The following TRPM8 variants were observed in gnomAD, a reference collection of about 807,000 sequenced individuals.
The protein encoded by TRPM8 is TRPM8 cationic channel.
In TRPM8, 110 loss-of-function variants were observed where a neutral mutation model predicts 133.7. The ratio of observed to expected loss-of-function variants is 0.82; its 90% CI spans 0.70 to 0.96. The LOEUF (loss-of-function observed/expected upper bound fraction) is 0.96, where lower values mean the gene tolerates loss of function less well. Ranked by LOEUF, TRPM8 falls within the 40% of genes least tolerant of loss-of-function variation. The pLI is 0.00. For missense variants in TRPM8, 1,291 were observed against 1,379.5 expected, an observed-to-expected ratio of 0.94 and a Z score of 1.02; for synonymous variants, 535 against 532.3, an observed-to-expected ratio of 1.01 and a Z score of -0.07.
At chr2:233,930,873 T>G in intron 3 of TRPM8, 132 bp downstream of exon 3, 1 of 621,886 alleles carries the variant, frequency 1.6e-6, no homozygotes, top group East Asian at 2.7e-5. Flanking sequence ...AAACACTGTT[T>G]GCGCAGGAAG....
At chr2:233,935,007 TTTCTC>T (rs1341470488) in intron 3 of TRPM8, among the ~76,000 whole-genome samples, 2 of 152,364 alleles carry the variant, frequency 1.3e-5, no homozygotes, top group East Asian at 3.9e-4. Context: ...AAACACAGCC[TTTCTC>T]TGGCCATGAA....
In TRPM8 at chr2:234,014,607, A is replaced by G. The variant is rs201564611; in HGVS notation, c.3310A>G (p.Lys1104Glu). The change falls in exon 25 of 26, where the codon AAA becomes GAA. Residue 1104 changes from lysine (K) to glutamate (E), a missense_variant. Lys to Glu is a moderately conservative substitution (Grantham distance 56). Coordinates refer to ENST00000324695, the MANE Select transcript of TRPM8 (RefSeq NM_024080.5). ...TCTGAAAGAGATTGCTAATAAAATC[A>G]AATAAAACTGTATGAACTCTAATGG... The part of the protein sequence containing the change: ...GLLKEIANKI[K>E] 2.0e-5 allele frequency: 30 copies of G among 1,538,298 alleles called. No individual in the cohort carries two copies. The highest frequency in any genetic ancestry group is 2.6e-5 in the Non-Finnish European group (30 of 1,139,282).
intron 15 of TRPM8, chr2:233,968,232 C>T (rs528121970): frequency 1.3e-5 from 2 of 152,320 alleles, no homozygotes; most frequent in Admixed American, 6.5e-5. Context: ...CCCGCACCCC[C>T]TCCCAAGAAG....
In TRPM8 at chr2:234,018,354, T is replaced by C. The variant is rs1693008580; in HGVS notation, c.*1098T>C. 1 of 152,010 alleles carries C rather than the reference T, an allele frequency of 6.6e-6. No individual in the cohort carries two copies. Among genetic ancestry groups the C allele is most frequent in the Non-Finnish European group, 1.5e-5 (1 of 67,992 alleles). The allele number at this position is 152,010 out of a possible 1,614,324, so 9.4% of individuals were successfully genotyped here. On this transcript the variant is annotated 3_prime_UTR_variant, in exon 26 of 26. Coordinates refer to ENST00000324695, the MANE Select transcript of TRPM8 (RefSeq NM_024080.5). ...CAGTTGATCATTGGGATGAGCATCT[T>C]TGTGCATGAATCCTATTGCTGTATT... is the stretch of plus-strand genomic sequence containing the variant.
At chr2:233,935,091 A>T (rs773260431) in intron 3 of TRPM8, among the ~76,000 whole-genome samples, 35 of 152,256 alleles carry the variant, frequency 2.3e-4, no homozygotes, top group Admixed American at 5.2e-4. Flanking sequence ...CATTGAGGAT[A>T]CAAACCATTT....
At chr2:233,921,209 A>G (rs1481674271) in intron 1 of TRPM8, among the ~76,000 whole-genome samples, 2 of 152,136 alleles carry the variant, frequency 1.3e-5, no homozygotes, top group Admixed American at 1.3e-4. Context: ...GTATAGTTTA[A>G]TGCAATTTTA....
At chr2:233,980,672 G>C (rs977749467) in intron 18 of TRPM8, among the ~76,000 whole-genome samples, 2 of 152,256 alleles carry the variant, frequency 1.3e-5, no homozygotes, top group South Asian at 4.1e-4. Flanking sequence ...CTGATCATGG[G>C]GAGAAATAAA....
chr2:233,964,657 A>G lies in TRPM8; in HGVS notation c.1779A>G (p.Gly593=). The G allele has an allele frequency of 6.2e-7, 1 of 1,606,906 alleles. No individual in the cohort carries two copies. Among genetic ancestry groups the G allele is most frequent in the Non-Finnish European group, 8.5e-7 (1 of 1,175,364 alleles). Residue 593 remains glycine, a synonymous_variant, in exon 14 of 26, where the codon GGA becomes GGG. Transcript: ENST00000324695. The part of the protein sequence containing the change: ...QTRGCTLAAL[G]ASKLLKTLAK... ...GGGGCTGCACTCTGGCAGCCCTGGGAGCCAGCAAGCTTCTGAAGACTCTGG... is the reference window on the plus strand; with the variant it reads ...GGGGCTGCACTCTGGCAGCCCTGGGGGCCAGCAAGCTTCTGAAGACTCTGG...
At chr2:233,953,127 C>T (rs1391212652) in intron 9 of TRPM8, among the ~76,000 whole-genome samples, 1 of 152,230 alleles carries the variant, frequency 6.6e-6, no homozygotes, top group African/African-American at 2.4e-5. Flanking sequence ...CACCACCTTT[C>T]CCAGGCAGCT....
chr2:233,934,013 C>T (rs1471320968), intron 3 of TRPM8: 1 of 167,060 alleles, frequency 6.0e-6, no homozygotes, highest in Non-Finnish European at 1.5e-5. Context: ...ATCGTTATAG[C>T]TTTAGAAAAT....
chr2:233,932,310 T>A (rs1691696535), intron 3 of TRPM8, among the ~76,000 whole-genome samples: 2 of 152,240 alleles, frequency 1.3e-5, no homozygotes, highest in Admixed American at 1.3e-4. Flanking sequence ...TTGTGCGTTA[T>A]CAGCTTTCCA....
At chr2:233,923,037 T>A (rs1299445991) in intron 1 of TRPM8, among the ~76,000 whole-genome samples, 1 of 151,948 alleles carries the variant, frequency 6.6e-6, no homozygotes, top group African/African-American at 2.4e-5. Context: ...CTGGCTAATT[T>A]TTTTTGTTGT....
chr2:233,968,724 C>T (rs759468198), intron 15 of TRPM8, among the ~76,000 whole-genome samples: 14 of 151,906 alleles, frequency 9.2e-5, no homozygotes, highest in South Asian at 8.3e-4. Context: ...TTCTGCTTGA[C>T]GGGCTATTTT....
chr2:233,960,599 T>A (rs1691408372), intron 11 of TRPM8, among the ~76,000 whole-genome samples, 177 bp from the exon 12 acceptor site: 2 of 152,210 alleles, frequency 1.3e-5, no homozygotes, highest in African/African-American at 4.8e-5. Flanking sequence ...TAATCCTCTG[T>A]TGTGTTAAAA....
At chr2:234,012,273 G>A (rs1692858759) in intron 24 of TRPM8, among the ~76,000 whole-genome samples, 1 of 151,608 alleles carries the variant, frequency 6.6e-6, no homozygotes, top group African/African-American at 2.4e-5. Context: ...TCAGCCTCCT[G>A]AGTAGCTGGG....
At chr2:234,002,656 A>T (rs911720744) in intron 22 of TRPM8, among the ~76,000 whole-genome samples, 1 of 152,152 alleles carries the variant, frequency 6.6e-6, no homozygotes. Flanking sequence ...CCCCACCTCC[A>T]CCTGGAACAC....
chr2:233,971,324 A>G (rs562630996), intron 17 of TRPM8, among the ~76,000 whole-genome samples: 32 of 152,188 alleles, frequency 2.1e-4, no homozygotes, highest in Non-Finnish European at 4.3e-4. Context: ...GTTTCATGCC[A>G]ACTCTGACAG....
Position 233,983,046 on chromosome 2 carries a change from C to G in TRPM8, c.2590-7C>G. ...CCTGACTCCGCTCTCCTGTCCTCCC[C>G]TGACAGCTGATCGATGTGTTCTTCT... On this transcript the variant is annotated splice_polypyrimidine_tract_variant and splice_region_variant and intron_variant, in intron 19 of 25. Transcript: ENST00000324695. 1.2e-6 allele frequency: 2 copies of G among 1,610,956 alleles called. No individual in the cohort carries two copies. The highest frequency in any genetic ancestry group is 4.5e-5 in the East Asian group (2 of 44,792).
Position 233,942,862 on chromosome 2 carries a change from T to G in TRPM8, c.699+114T>G. ...TGGAGCCAGCCAGATCATGGGGAAGTCTGCCTTTCAAGGAGTGCCTTTGGG... is the reference window on the plus strand; with the variant it reads ...TGGAGCCAGCCAGATCATGGGGAAGGCTGCCTTTCAAGGAGTGCCTTTGGG... On this transcript the variant is annotated intron_variant, in intron 6 of 25. Coordinates refer to ENST00000324695, the MANE Select transcript of TRPM8 (RefSeq NM_024080.5). 8.3e-6 allele frequency: 11 copies of G among 1,324,160 alleles called. No individual in the cohort carries two copies. In the Admixed American group the frequency reaches 1.0e-4, roughly 12 times the overall value. 82.0% of individuals were successfully genotyped at this position (1,324,160 alleles called of 1,614,324 possible).
Sources: gnomAD v4.1 joint callset for allele counts (sites outside exome capture counted in the v4.1 genomes callset) on GRCh38, gnomAD v4.1.1 for gene constraint, MANE v1.5 for transcripts, NCBI Gene and HGNC (gene_info 2026-07-23, HGNC 2026-07-21) for gene names.